The following SCFD1 variants were observed in gnomAD, a reference collection of about 807,000 sequenced individuals.
SCFD1 encodes the protein sec1 family domain containing 1, also known as sec1 family domain-containing protein 1.
SCFD1 carries 37 observed loss-of-function variants against 103.2 expected under a neutral mutation model. The observed-to-expected ratio is 0.36, with a 90% confidence interval of 0.28 to 0.47. The LOEUF (loss-of-function observed/expected upper bound fraction) is 0.47. SCFD1 is among the 20% of genes least tolerant of loss of function. The pLI is 1.00. For synonymous variants in SCFD1, 264 were observed against 245.0 expected, an observed-to-expected ratio of 1.08 and a Z score of -0.73; for missense variants, 639 against 761.2, an observed-to-expected ratio of 0.84 and a Z score of 1.89.
chr14:30,674,579 C>T (rs1175940549), intron 13 of SCFD1, among the ~76,000 whole-genome samples: 3 of 151,704 alleles, frequency 2.0e-5, no homozygotes, highest in East Asian at 1.9e-4. Context: ...ACCTGGGTGG[C>T]GGAGGTTGCA....
At chr14:30,726,098 A>G (rs1032822640) in intron 23 of SCFD1, among the ~76,000 whole-genome samples, 1 of 152,224 alleles carries the variant, frequency 6.6e-6, no homozygotes, top group Non-Finnish European at 1.5e-5. Context: ...ATCACTTGTC[A>G]TCATTCTTCT....
At chr14:30,632,320 G>A (rs1291717600) in intron 3 of SCFD1, among the ~76,000 whole-genome samples, 2 of 152,054 alleles carry the variant, frequency 1.3e-5, no homozygotes. Flanking sequence ...ATGAGCATTT[G>A]TTAATAGACT....
chr14:30,696,587 C>G (rs10140530), intron 15 of SCFD1, among the ~76,000 whole-genome samples: 7,523 of 152,196 alleles, frequency 0.049, 611 homozygotes, highest in African/African-American at 0.17. Flanking sequence ...GGCATCCACT[C>G]ATGGAATAGA....
chr14:30,622,438 G>A, intron 1 of SCFD1, 39 bp downstream of exon 1: 1 of 1,548,806 alleles, frequency 6.5e-7, no homozygotes, highest in Non-Finnish European at 8.7e-7. Context: ...CTTCGTGACT[G>A]CCCCGACGAC....
At chr14:30,654,158 A>T (rs1886667779) in intron 10 of SCFD1, among the ~76,000 whole-genome samples, 1 of 152,226 alleles carries the variant, frequency 6.6e-6, no homozygotes, top group Non-Finnish European at 1.5e-5. Context: ...GTCTTCAAAG[A>T]CAATGGAAAG....
intron 24 of SCFD1, among the ~76,000 whole-genome samples, chr14:30,735,366 A>C (rs1473522415): frequency 6.6e-6 from 1 of 151,994 alleles, no homozygotes; most frequent in Non-Finnish European, 1.5e-5. Flanking sequence ...TGATCCTCCC[A>C]CCTCAGCCTC....
intron 4 of SCFD1, among the ~76,000 whole-genome samples, chr14:30,634,496 T>C (rs1346666903): frequency 6.6e-6 from 1 of 152,140 alleles, no homozygotes; most frequent in South Asian, 2.1e-4. Context: ...AAAAAACATA[T>C]ACGGTTCAGT....
intron 5 of SCFD1, 63 bp from the exon 6 acceptor site, chr14:30,639,714 A>G: frequency 2.1e-6 from 3 of 1,453,692 alleles, no homozygotes; most frequent in Non-Finnish European, 2.7e-6. Flanking sequence ...AGAGCAAACT[A>G]AATTTACTTT....
intron 14 of SCFD1, among the ~76,000 whole-genome samples, chr14:30,690,866 T>A (rs1890246060): frequency 6.6e-6 from 1 of 152,282 alleles, no homozygotes; most frequent in East Asian, 1.9e-4. Flanking sequence ...TTGAAGCTAC[T>A]GAAGAATCTC....
intron 10 of SCFD1, among the ~76,000 whole-genome samples, chr14:30,665,268 CAG>C: frequency 6.6e-6 from 1 of 152,260 alleles, no homozygotes; most frequent in South Asian, 2.1e-4. Context: ...ATTTTCAACT[CAG>C]AATTTCATAT....
intron 14 of SCFD1, among the ~76,000 whole-genome samples, chr14:30,682,861 T>A (rs1286126032): frequency 1.3e-5 from 2 of 152,162 alleles, no homozygotes; most frequent in Non-Finnish European, 2.9e-5. Context: ...ACTTTTTTTT[T>A]AATGACCAAA....
chr14:30,729,877 T>G (rs975328102), intron 23 of SCFD1, among the ~76,000 whole-genome samples: 4 of 152,080 alleles, frequency 2.6e-5, no homozygotes, highest in African/African-American at 9.7e-5. Context: ...GCATTTTTTT[T>G]TTTTAAGTTC....
At chr14:30,670,854 T>G (rs1888473249) in intron 11 of SCFD1, among the ~76,000 whole-genome samples, 1 of 152,088 alleles carries the variant, frequency 6.6e-6, no homozygotes, top group East Asian at 1.9e-4. Flanking sequence ...TAATGAGTGA[T>G]AAAACTGCAT....
chr14:30,735,562 G>T, intron 24 of SCFD1, 24 bp from the exon 25 acceptor site: 1 of 1,530,766 alleles, frequency 6.5e-7, no homozygotes, highest in Non-Finnish European at 9.0e-7. Flanking sequence ...AAAGTTTTAT[G>T]TATGATTTTG....
At position 30,702,898 on chromosome 14, in the gene SCFD1, C is replaced by T. The variant is rs1003686881; in HGVS notation, c.1490+523C>T. 5.3e-5 allele frequency among the ~76,000 whole-genome samples: 8 copies of T among 152,104 alleles called. No individual in the cohort carries two copies. In the East Asian group the frequency reaches 1.5e-3, roughly 29 times the overall value. On this transcript the variant is annotated intron_variant, in intron 17 of 24. Transcript: ENST00000458591. ...AAGTAATTGGAGCTAAGACTTTAGA[C>T]ACAATTGTAATAATGAAATTTTTAA...
intron 10 of SCFD1, among the ~76,000 whole-genome samples, chr14:30,664,237 G>A (rs756448923): frequency 2.6e-5 from 4 of 152,114 alleles, no homozygotes; most frequent in Non-Finnish European, 4.4e-5. Flanking sequence ...TGCAGCCTCC[G>A]CTGGTGATTA....
chr14:30,734,753 GT>G (rs764357549), intron 23 of SCFD1, 36 bp from the exon 24 acceptor site: 1 of 1,444,010 alleles, frequency 6.9e-7, no homozygotes, highest in South Asian at 1.1e-5. Flanking sequence ...TATATTTCTT[GT>G]TACTTGTATC....
At position 30,702,281 on chromosome 14, in the gene SCFD1, C is replaced by G. The variant is rs1891132866; in HGVS notation, c.1411-15C>G. On this transcript the variant is annotated splice_polypyrimidine_tract_variant and intron_variant, in intron 16 of 24. Coordinates refer to ENST00000458591, the MANE Select transcript of SCFD1 (RefSeq NM_016106.4). ...AAGTAAAATTTTTTGTCATATAGTTCTTTTCTTATTTCAGGCTGATTTGGA... is the reference window on the plus strand; with the variant it reads ...AAGTAAAATTTTTTGTCATATAGTTGTTTTCTTATTTCAGGCTGATTTGGA... 1 of 1,553,874 alleles carries G rather than the reference C, an allele frequency of 6.4e-7. No homozygotes were observed. Among genetic ancestry groups the G allele is most frequent in the South Asian group, 1.2e-5 (1 of 84,014 alleles).
chr14:30,684,160 G>A lies in SCFD1; in HGVS notation c.1242+9095G>A, dbSNP rs148614755. 1.6e-3 allele frequency among the ~76,000 whole-genome samples: 244 copies of A among 152,262 alleles called. 2 individuals are homozygous for A. Among genetic ancestry groups the A allele is most frequent in the African/African-American group, 5.3e-3 (222 of 41,562 alleles). ...GGTTATGGATTTTCAAAAAGCAAAC[G>A]ATGTGTACTTACCTGTACTTCTCAG... is the stretch of plus-strand genomic sequence containing the variant. On this transcript the variant is annotated intron_variant, in intron 14 of 24. Coordinates refer to ENST00000458591, the MANE Select transcript of SCFD1 (RefSeq NM_016106.4).
Sources: gnomAD v4.1 joint callset for allele counts (sites outside exome capture counted in the v4.1 genomes callset) on GRCh38, gnomAD v4.1.1 for gene constraint, MANE v1.5 for transcripts, NCBI Gene and HGNC (gene_info 2026-07-23, HGNC 2026-07-21) for gene names.